PRKCE: variants seen among roughly 807,000 people sequenced by gnomAD.
The protein encoded by PRKCE is protein kinase C epsilon.
A neutral mutation model predicts 85.4 loss-of-function variants in PRKCE; 16 were observed. That is an observed-to-expected ratio of 0.19 (90% CI 0.13 to 0.28). The LOEUF (loss-of-function observed/expected upper bound fraction) is 0.28. Ranked by LOEUF, PRKCE falls within the 10% of genes least tolerant of loss-of-function variation. PRKCE has a pLI of 1.00. For synonymous variants in PRKCE, 388 were observed against 371.5 expected (o/e 1.04, Z -0.51); for missense variants, 573 against 975.2 (o/e 0.59, Z 5.49).
Position 45,652,595 on chromosome 2 carries a change from T to C in PRKCE, c.348+147T>C, listed in dbSNP as rs1675175334. The C allele has an allele frequency of 7.6e-6, 6 of 786,750 alleles. No homozygotes were observed. The highest frequency in any genetic ancestry group is 1.8e-5 in the African/African-American group (1 of 57,112). 48.7% of individuals were successfully genotyped at this position (786,750 alleles called of 1,614,324 possible). A position where few individuals can be genotyped will look rare whatever the true frequency, so the allele number is the denominator to read the frequency against. On this transcript the variant is annotated intron_variant, in intron 1 of 14. Coordinates refer to ENST00000306156, the MANE Select transcript of PRKCE (RefSeq NM_005400.3). The surrounding 1 kb of genome is among the most constrained non-coding windows in gnomAD (Gnocchi z 7.7). ...TCTCAGTTTCCTTGGGGAGGTACAC[T>C]TCACTTCATAGTTGGGGAGAAACAG...
chr2:46,095,866 A>T (rs1246900523), intron 11 of PRKCE, among the ~76,000 whole-genome samples: 6 of 152,268 alleles, frequency 3.9e-5, no homozygotes, highest in African/African-American at 1.4e-4. Flanking sequence ...CAACAATAAT[A>T]GCAAAACACT....
chr2:46,026,722 A>G (rs1707139955), intron 10 of PRKCE, among the ~76,000 whole-genome samples: 1 of 152,242 alleles, frequency 6.6e-6, no homozygotes, highest in Non-Finnish European at 1.5e-5. Flanking sequence ...CCTTAAACAC[A>G]GAGATCTGAG....
rs541985219 is a variant in PRKCE at position 45,874,675 on chromosome 2, T to C, written c.412+31612T>C. Among the ~76,000 whole-genome samples, 26 of 152,364 alleles carry C rather than the reference T, an allele frequency of 1.7e-4. No individual in the cohort carries two copies. The South Asian group carries it at 4.6e-3, about 27-fold the overall frequency. On this transcript the variant is annotated intron_variant, in intron 2 of 14. Transcript: ENST00000306156. ...TTTCACAACAGTGCCATCTTCATCC[T>C]AGCCTTCAGATTCTTAATTCCTGGT... is the stretch of plus-strand genomic sequence containing the variant.
At chr2:45,672,236 A>G (rs1676204840) in intron 1 of PRKCE, among the ~76,000 whole-genome samples, 2 of 151,710 alleles carry the variant, frequency 1.3e-5, no homozygotes, top group Admixed American at 1.3e-4. Context: ...ACATCCATCC[A>G]TCTGTCTATG....
chr2:45,961,821 G>A (rs1311247374), intron 2 of PRKCE, among the ~76,000 whole-genome samples: 1 of 152,126 alleles, frequency 6.6e-6, no homozygotes, highest in East Asian at 1.9e-4. Context: ...TGAGCTTCCT[G>A]AGTAGCTGGG....
At chr2:45,769,419 A>C (rs901011978) in intron 1 of PRKCE, among the ~76,000 whole-genome samples, 4 of 151,942 alleles carry the variant, frequency 2.6e-5, no homozygotes, top group Non-Finnish European at 1.5e-5. Flanking sequence ...ACATATCTGC[A>C]TCTGTGTGTG....
At chr2:45,689,334 G>A (rs879100715) in intron 1 of PRKCE, among the ~76,000 whole-genome samples, 1 of 152,138 alleles carries the variant, frequency 6.6e-6, no homozygotes, top group Non-Finnish European at 1.5e-5. Flanking sequence ...GAATCAGAAA[G>A]TGCTGTGGAA....
At chr2:46,084,099 C>A (rs1306614093) in intron 10 of PRKCE, among the ~76,000 whole-genome samples, 5 of 152,192 alleles carry the variant, frequency 3.3e-5, no homozygotes, top group Admixed American at 2.6e-4. Context: ...GTGGGCAAGG[C>A]AGCCCATGTA....
At chr2:45,773,208 C>G (rs1201707775) in intron 1 of PRKCE, among the ~76,000 whole-genome samples, 3 of 152,174 alleles carry the variant, frequency 2.0e-5, no homozygotes, top group African/African-American at 4.8e-5. Context: ...ACTCTGCTCT[C>G]TGATGTCACT....
intron 2 of PRKCE, among the ~76,000 whole-genome samples, chr2:45,943,460 G>A (rs1700026766): frequency 6.6e-6 from 1 of 152,246 alleles, no homozygotes; most frequent in African/African-American, 2.4e-5. Flanking sequence ...AGGTCTGCCA[G>A]GGGGCGCTAA....
intron 14 of PRKCE, among the ~76,000 whole-genome samples, chr2:46,182,244 C>T (rs1680054532): frequency 6.6e-6 from 1 of 152,158 alleles, no homozygotes; most frequent in Non-Finnish European, 1.5e-5. Flanking sequence ...CTGCAATCCT[C>T]CCCAGTCAGT....
intron 2 of PRKCE, among the ~76,000 whole-genome samples, chr2:45,857,833 T>C (rs1692799959): frequency 6.6e-6 from 1 of 152,230 alleles, no homozygotes. Context: ...CTGCTGTACC[T>C]TCATGACCTA....
chr2:46,151,633 G>A (rs1424315374), intron 13 of PRKCE, among the ~76,000 whole-genome samples: 1 of 137,522 alleles, frequency 7.3e-6, no homozygotes, highest in Non-Finnish European at 1.5e-5. Context: ...CTTCATCAGG[G>A]ACCTGTGATG....
At chr2:46,112,101 T>G (rs549045681) in intron 11 of PRKCE, among the ~76,000 whole-genome samples, 1 of 152,336 alleles carries the variant, frequency 6.6e-6, no homozygotes, top group South Asian at 2.1e-4. Context: ...TTTAGGATAT[T>G]TAGATCATCT....
At chr2:45,733,302 T>C (rs1011389447) in intron 1 of PRKCE, among the ~76,000 whole-genome samples, 2 of 152,230 alleles carry the variant, frequency 1.3e-5, no homozygotes, top group African/African-American at 4.8e-5. Flanking sequence ...TGTTCATTCA[T>C]TCATTCAACA....
In PRKCE at chr2:45,740,147, CA is replaced by C. The variant is rs34143359; in HGVS notation, c.348+87712del. Among the ~76,000 whole-genome samples, 203 of 135,622 alleles carry C rather than the reference CA, an allele frequency of 1.5e-3. 1 individual carries two copies. The highest frequency in any genetic ancestry group is 3.8e-3 in the Middle Eastern group (1 of 262). The allele number at this position is 135,622 out of a possible 152,430, so 89.0% of individuals were successfully genotyped here. ...GCCTGGGCAACATGAGACCCCATCTCAAAAAAAAAAAAAGGACTTATTCACT... is the reference window on the plus strand; with the variant it reads ...GCCTGGGCAACATGAGACCCCATCTCAAAAAAAAAAAAGGACTTATTCACT... On this transcript the variant is annotated intron_variant, in intron 1 of 14. Transcript: ENST00000306156.
intron 5 of PRKCE, among the ~76,000 whole-genome samples, chr2:45,981,421 T>C (rs933850658): frequency 1.3e-5 from 2 of 152,226 alleles, no homozygotes; most frequent in African/African-American, 4.8e-5. Context: ...TGCTTCTTAA[T>C]AATTGAGTCA....
intron 2 of PRKCE, among the ~76,000 whole-genome samples, chr2:45,925,084 C>T (rs751247032): frequency 2.6e-5 from 4 of 152,118 alleles, no homozygotes; most frequent in Non-Finnish European, 4.4e-5. Context: ...CATGGGTAGG[C>T]TTGCTAAGGT....
chr2:46,147,225 C>T (rs994420701), intron 12 of PRKCE, among the ~76,000 whole-genome samples: 1 of 152,228 alleles, frequency 6.6e-6, no homozygotes, highest in Non-Finnish European at 1.5e-5. Context: ...CAAGGAGCAA[C>T]AAATGAAAGC....
Sources: gnomAD v4.1 joint callset for allele counts (sites outside exome capture counted in the v4.1 genomes callset) on GRCh38, gnomAD v4.1.1 for gene constraint, Gnocchi (gnomAD v3.1) non-coding constraint, MANE v1.5 for transcripts, NCBI Gene and HGNC (gene_info 2026-07-23, HGNC 2026-07-21) for gene names.